CHST8: variants seen among roughly 807,000 people sequenced by gnomAD.
The protein encoded by CHST8 is GALNAC-4-ST1.
Under a neutral mutation model 15.0 loss-of-function variants are expected in CHST8, and 10 were observed. The observed-to-expected ratio is 0.67, with a 90% confidence interval of 0.41 to 1.13. The LOEUF is 1.13. CHST8 is among the 50% of genes most tolerant of loss of function. The pLI, the probability that CHST8 is intolerant of heterozygous loss-of-function variation, is 0.00. For synonymous variants in CHST8, 259 were observed against 256.6 expected (o/e 1.01, Z -0.09); for missense variants, 634 against 608.2 (o/e 1.04, Z -0.45).
chr19:33,771,929 C>G (rs1568365444), intron 4 of CHST8, 28 bp from the exon 5 acceptor site: 1 of 1,529,810 alleles, frequency 6.5e-7, no homozygotes, highest in Middle Eastern at 1.8e-4. Context: ...CCTTTCCACT[C>G]AGATAACCAC....
At chr19:33,684,810 G>A (rs1972947236) in intron 2 of CHST8, 1 of 152,164 alleles carries the variant, frequency 6.6e-6, no homozygotes, top group African/African-American at 2.4e-5. Context: ...CCGGTGCAGA[G>A]TCCCCGCTGC....
intron 1 of CHST8, among the ~76,000 whole-genome samples, chr19:33,656,427 G>A (rs1232916192): frequency 1.3e-5 from 2 of 152,184 alleles, no homozygotes; most frequent in African/African-American, 4.8e-5. Context: ...GAGATTATTT[G>A]TCCATCAGTG....
chr19:33,718,098 G>GCTC (rs1371066488), intron 3 of CHST8, among the ~76,000 whole-genome samples: 7 of 152,218 alleles, frequency 4.6e-5, no homozygotes, highest in African/African-American at 1.7e-4. Flanking sequence ...AGTGCTCCCT[G>GCTC]CTCCTCCTCC....
chr19:33,686,749 G>A (rs1212461312), intron 2 of CHST8, among the ~76,000 whole-genome samples: 1 of 152,220 alleles, frequency 6.6e-6, no homozygotes, highest in Non-Finnish European at 1.5e-5. Context: ...CCCACACCGT[G>A]GCCAGCTTAC....
At chr19:33,721,881 G>T (rs1360272811) in intron 3 of CHST8, among the ~76,000 whole-genome samples, 1 of 146,528 alleles carries the variant, frequency 6.8e-6, no homozygotes, top group Non-Finnish European at 1.5e-5. Context: ...GGATGGATGG[G>T]TGGGTGAGTG....
At chr19:33,639,703 C>G (rs904618678) in intron 1 of CHST8, among the ~76,000 whole-genome samples, 2 of 152,080 alleles carry the variant, frequency 1.3e-5, no homozygotes, top group Non-Finnish European at 2.9e-5. Flanking sequence ...TGTTCTCAGG[C>G]TGATCCCCCT....
At position 33,746,568 on chromosome 19, in the gene CHST8, T is replaced by C. The variant is rs572942651; in HGVS notation, c.131-24845T>C. 2.0e-5 allele frequency among the ~76,000 whole-genome samples: 3 copies of C among 152,362 alleles called. No individual in the cohort carries two copies. In the South Asian group the frequency reaches 6.2e-4, roughly 32 times the overall value. ...GGCAAGCAGTATTCCGTAGAATGGA[T>C]GTACCATGTTCATTTATCAGTTTGC... On this transcript the variant is annotated intron_variant, in intron 3 of 4. Coordinates refer to ENST00000650847, the MANE Select transcript of CHST8 (RefSeq NM_001127895.2).
At chr19:33,634,741 C>T (rs1388587943) in intron 1 of CHST8, among the ~76,000 whole-genome samples, 4 of 142,234 alleles carry the variant, frequency 2.8e-5, no homozygotes, top group African/African-American at 1.1e-4. Flanking sequence ...ACGGCTGTGT[C>T]ACAATGCCCA....
At chr19:33,744,846 T>G (rs1045977920) in intron 3 of CHST8, among the ~76,000 whole-genome samples, 1 of 152,142 alleles carries the variant, frequency 6.6e-6, no homozygotes, top group Non-Finnish European at 1.5e-5. Context: ...CCTCCCGGGT[T>G]CAAGCAATTC....
chr19:33,626,374 CCAA>C (rs1279311118), intron 1 of CHST8, among the ~76,000 whole-genome samples: 1 of 151,584 alleles, frequency 6.6e-6, no homozygotes, highest in African/African-American at 2.4e-5. Context: ...TGGGTTGACA[CCAA>C]GAAGCAGCCC....
chr19:33,677,710 T>C (rs1180201498), intron 2 of CHST8, among the ~76,000 whole-genome samples: 1 of 152,172 alleles, frequency 6.6e-6, no homozygotes, highest in African/African-American at 2.4e-5. Flanking sequence ...GTGACAACAT[T>C]GAATGCTGAG....
intron 3 of CHST8, among the ~76,000 whole-genome samples, chr19:33,766,554 G>C (rs142011987): frequency 1.3e-5 from 2 of 152,318 alleles, no homozygotes; most frequent in East Asian, 3.9e-4. Flanking sequence ...TCTTCCTAAT[G>C]GGGGCATGGA....
chr19:33,637,399 G>C (rs372383898), intron 1 of CHST8, among the ~76,000 whole-genome samples: 141 of 120,120 alleles, frequency 1.2e-3, no homozygotes, highest in African/African-American at 4.4e-3. Context: ...AGAAAGGTTC[G>C]CTTTCTTTTT....
intron 1 of CHST8, among the ~76,000 whole-genome samples, chr19:33,648,024 C>T (rs1235833074): frequency 6.6e-6 from 1 of 151,394 alleles, no homozygotes. Context: ...ACAGGTAGTT[C>T]AGAGGGGAGA....
At chr19:33,642,302 C>CG (rs916522214) in intron 1 of CHST8, among the ~76,000 whole-genome samples, 32 of 152,306 alleles carry the variant, frequency 2.1e-4, no homozygotes, top group African/African-American at 7.7e-4. Context: ...GGGCCCCCCC[C>CG]CACTCCACCT....
intron 1 of CHST8, among the ~76,000 whole-genome samples, chr19:33,632,779 G>T (rs934066497): frequency 2.6e-5 from 4 of 151,942 alleles, no homozygotes; most frequent in African/African-American, 9.7e-5. Context: ...GTGTATGTGT[G>T]TGTGTTTGAG....
At chr19:33,669,549 A>G (rs1459419330) in intron 2 of CHST8, among the ~76,000 whole-genome samples, 1 of 152,188 alleles carries the variant, frequency 6.6e-6, no homozygotes, top group East Asian at 1.9e-4. Context: ...CATGAGAGAA[A>G]TTAGCAATGA....
intron 1 of CHST8, among the ~76,000 whole-genome samples, chr19:33,643,014 G>T (rs1469169024): frequency 6.6e-6 from 1 of 152,088 alleles, no homozygotes; most frequent in African/African-American, 2.4e-5. Flanking sequence ...GACATTTTGG[G>T]GGTTTTCGTT....
At position 33,648,902 on chromosome 19, in the gene CHST8, C is replaced by CT. The variant is rs376386370; in HGVS notation, c.-163-18846dup. On this transcript the variant is annotated intron_variant, in intron 1 of 4. Transcript: ENST00000650847. ...TTCAGGCGTAAAAAGGAATGAAGCACTTTTTTTTTTTTTTTTTTTGAGTTG... is the reference window on the plus strand; with the variant it reads ...TTCAGGCGTAAAAAGGAATGAAGCACTTTTTTTTTTTTTTTTTTTTGAGTTG... Among the ~76,000 whole-genome samples, 11 of 99,972 alleles carry CT rather than the reference C, an allele frequency of 1.1e-4. 2 individuals are homozygous for CT. Among genetic ancestry groups the CT allele is most frequent in the East Asian group, 8.4e-4 (3 of 3,564 alleles). The allele number at this position is 99,972 out of a possible 152,430, so 65.6% of individuals were successfully genotyped here. A position where few individuals can be genotyped will look rare whatever the true frequency, so the allele number is the denominator to read the frequency against.
Sources: gnomAD v4.1 joint callset for allele counts (sites outside exome capture counted in the v4.1 genomes callset) on GRCh38, gnomAD v4.1.1 for gene constraint, MANE v1.5 for transcripts, NCBI Gene and HGNC (gene_info 2026-07-23, HGNC 2026-07-21) for gene names.